The following KCNAB1 variants were observed in gnomAD, a reference collection of about 807,000 sequenced individuals.
KCNAB1 encodes potassium voltage-gated channel subfamily A regulatory beta subunit 1.
In KCNAB1, 35 loss-of-function variants were observed where a neutral mutation model predicts 64.6. That is an observed-to-expected ratio of 0.54 (90% CI 0.41 to 0.72). The LOEUF is 0.72. Among genes scored for constraint, KCNAB1 ranks in the 30% least tolerant of loss-of-function variants. The pLI is 0.00. For missense variants in KCNAB1, 401 were observed against 512.9 expected (o/e 0.78, Z 2.11); for synonymous variants, 177 against 183.8 (o/e 0.96, Z 0.30).
At chr3:156,499,885 G>A (rs1365487352) in intron 8 of KCNAB1, among the ~76,000 whole-genome samples, 2 of 152,166 alleles carry the variant, frequency 1.3e-5, no homozygotes, top group Admixed American at 1.3e-4. Context: ...GCTCCCTGGT[G>A]TGACCCACAA....
chr3:156,234,545 G>A lies in KCNAB1; in HGVS notation c.275+113659G>A, dbSNP rs76951445. On this transcript the variant is annotated intron_variant, in intron 1 of 13. Coordinates refer to ENST00000490337, the MANE Select transcript of KCNAB1 (RefSeq NM_172160.3). The stretch of plus-strand genomic sequence containing the variant: ...TGCCTTCTATTTCTTAGCAAAATAG[G>A]AAGTGAGGTCAACGCTGGGAGTGGG... Among the ~76,000 whole-genome samples the A allele has an allele frequency of 3.0e-3, 462 of 152,136 alleles. 5 individuals carry two copies. Among genetic ancestry groups the A allele is most frequent in the African/African-American group, 0.011 (443 of 41,538 alleles).
chr3:156,477,690 A>G (rs1004240016), intron 8 of KCNAB1, among the ~76,000 whole-genome samples: 6 of 152,292 alleles, frequency 3.9e-5, no homozygotes, highest in Admixed American at 2.0e-4. Flanking sequence ...TGGAACAACC[A>G]GAGTTTGATA....
rs561630695 is a variant in KCNAB1, at chr3:156,509,655, A to AT, written c.659-4709_659-4708insT. On this transcript the variant is annotated intron_variant, in intron 8 of 13. Coordinates refer to ENST00000490337, the MANE Select transcript of KCNAB1 (RefSeq NM_172160.3). ...GAACCACTGGGATTAAGGCTTCTGGAAAACTAGGGAAGGAGCCCAGACCAG... is the reference window on the plus strand; with the variant it reads ...GAACCACTGGGATTAAGGCTTCTGGATAAACTAGGGAAGGAGCCCAGACCAG... Among the ~76,000 whole-genome samples, 141 of 152,316 alleles carry AT rather than the reference A, an allele frequency of 9.3e-4. 1 individual carries two copies. The highest frequency in any genetic ancestry group is 3.3e-3 in the African/African-American group (136 of 41,576).
chr3:156,177,543 A>G (rs1426957076), intron 1 of KCNAB1, among the ~76,000 whole-genome samples: 1 of 151,424 alleles, frequency 6.6e-6, no homozygotes, highest in Non-Finnish European at 1.5e-5. Flanking sequence ...CGCCTGGCTA[A>G]TTTTTTTGTA....
At chr3:156,307,739 G>A (rs1032548466) in intron 1 of KCNAB1, among the ~76,000 whole-genome samples, 1 of 152,168 alleles carries the variant, frequency 6.6e-6, no homozygotes, top group African/African-American at 2.4e-5. Flanking sequence ...GAGTTACAGG[G>A]CAGGTCTGTC....
intron 1 of KCNAB1, among the ~76,000 whole-genome samples, chr3:156,195,742 G>T (rs560504379): frequency 1.3e-5 from 2 of 152,250 alleles, no homozygotes; most frequent in Admixed American, 6.5e-5. Context: ...TAGATTGCCT[G>T]TTCACTCTGA....
chr3:156,173,359 TA>T (rs1345284745), intron 1 of KCNAB1, among the ~76,000 whole-genome samples: 2 of 152,124 alleles, frequency 1.3e-5, no homozygotes, highest in Non-Finnish European at 2.9e-5. Flanking sequence ...GAAGAGGGTC[TA>T]AAAAAACACA....
chr3:156,327,443 T>C (rs1723036615), intron 1 of KCNAB1, among the ~76,000 whole-genome samples: 2 of 152,156 alleles, frequency 1.3e-5, no homozygotes. Context: ...CATCATACTT[T>C]GAGAAATATG....
chr3:156,456,640 A>G (rs182720604), intron 3 of KCNAB1, among the ~76,000 whole-genome samples: 3 of 152,372 alleles, frequency 2.0e-5, no homozygotes, highest in East Asian at 1.9e-4. Flanking sequence ...CCATCAAAAC[A>G]TAATGGAAAA....
At chr3:156,149,580 A>G (rs1715269581) in intron 1 of KCNAB1, among the ~76,000 whole-genome samples, 1 of 152,146 alleles carries the variant, frequency 6.6e-6, no homozygotes, top group Non-Finnish European at 1.5e-5. Context: ...TGCAAACATG[A>G]TGTTCTAGCA....
rs114906288 is a variant in KCNAB1, at chr3:156,482,285, G to T, written c.658+7465G>T. Among the ~76,000 whole-genome samples, 1,339 of 151,918 alleles carry T rather than the reference G, an allele frequency of 8.8e-3. 10 individuals carry two copies. Among genetic ancestry groups the T allele is most frequent in the Non-Finnish European group, 0.013 (909 of 67,962 alleles). ...GAAAAAAAAAACAACTCAATAATAG[G>T]ATTAACTCATTCATTCAGTTGATAT... On this transcript the variant is annotated intron_variant, in intron 8 of 13. Transcript: ENST00000490337.
chr3:156,530,934 ATG>A (rs1254984271), intron 12 of KCNAB1, among the ~76,000 whole-genome samples: 1 of 152,160 alleles, frequency 6.6e-6, no homozygotes, highest in Non-Finnish European at 1.5e-5. Flanking sequence ...TCCAGGAACA[ATG>A]TGTTTCTAGG....
At chr3:156,347,784 C>A (rs1724580436) in intron 1 of KCNAB1, among the ~76,000 whole-genome samples, 1 of 152,194 alleles carries the variant, frequency 6.6e-6, no homozygotes, top group Non-Finnish European at 1.5e-5. Context: ...AAAATCCACT[C>A]ATCTTTGTGT....
chr3:156,272,717 G>C (rs202226830), intron 1 of KCNAB1, among the ~76,000 whole-genome samples: 1 of 151,912 alleles, frequency 6.6e-6, no homozygotes. Flanking sequence ...CGCCAAGCTG[G>C]TACCTAAGCT....
chr3:156,274,991 C>G (rs1459326303), intron 1 of KCNAB1, among the ~76,000 whole-genome samples: 1 of 152,182 alleles, frequency 6.6e-6, no homozygotes, highest in Non-Finnish European at 1.5e-5. Flanking sequence ...GTAACAGAAC[C>G]TTTGTACCCT....
intron 3 of KCNAB1, among the ~76,000 whole-genome samples, chr3:156,454,674 T>C (rs1712257303): frequency 1.3e-5 from 2 of 152,184 alleles, no homozygotes; most frequent in Admixed American, 1.3e-4. Flanking sequence ...GGCTATGGAC[T>C]TGAAGTCCCA....
At chr3:156,461,302 C>T (rs1712891719) in intron 5 of KCNAB1, among the ~76,000 whole-genome samples, 1 of 152,202 alleles carries the variant, frequency 6.6e-6, no homozygotes, top group South Asian at 2.1e-4. Flanking sequence ...CATGCTCCCT[C>T]TGACATTCTG....
At chr3:156,387,012 CTCTT>C (rs1358687566) in intron 1 of KCNAB1, among the ~76,000 whole-genome samples, 3 of 89,468 alleles carry the variant, frequency 3.4e-5, no homozygotes, top group African/African-American at 2.2e-4. Context: ...CTTTCTCTCT[CTCTT>C]TTTTTTTTTT....
At chr3:156,301,885 G>T (rs114337358) in intron 1 of KCNAB1, among the ~76,000 whole-genome samples, 1,975 of 152,252 alleles carry the variant, frequency 0.013, 45 homozygotes, top group African/African-American at 0.045. Flanking sequence ...GGTACAGCAA[G>T]TATCCTTAAG....
Sources: allele counts gnomAD v4.1 joint callset (sites outside exome capture counted in the v4.1 genomes callset), GRCh38; gene constraint gnomAD v4.1.1; transcripts MANE v1.5; gene names NCBI Gene and HGNC (gene_info 2026-07-23, HGNC 2026-07-21).